CTNNA2: variants seen among roughly 807,000 people sequenced by gnomAD.
The protein encoded by CTNNA2 is catenin alpha 2.
A neutral mutation model predicts 101.0 loss-of-function variants in CTNNA2; 42 were observed. That is an observed-to-expected ratio of 0.42 (90% CI 0.32 to 0.54). The LOEUF is 0.54. Ranked by LOEUF, CTNNA2 falls within the 20% of genes least tolerant of loss-of-function variation. The pLI is 0.14. For missense variants in CTNNA2, 871 were observed against 1,223.1 expected (o/e 0.71, Z 4.29); for synonymous variants, 450 against 456.4 (o/e 0.99, Z 0.18).
At chr2:79,203,397 T>C (rs1674062371) in intron 2 of CTNNA2, among the ~76,000 whole-genome samples, 1 of 152,132 alleles carries the variant, frequency 6.6e-6, no homozygotes, top group African/African-American at 2.4e-5. Context: ...TCAAAGTAAA[T>C]GTCAAAAAGC....
intron 9 of CTNNA2, among the ~76,000 whole-genome samples, chr2:80,495,869 G>GAA (rs1687413909): frequency 6.9e-6 from 1 of 145,918 alleles, no homozygotes; most frequent in African/African-American, 2.5e-5. Context: ...GAGCCCGGGA[G>GAA]ACGGAGGTTT....
At chr2:79,375,798 C>T (rs74894803) in intron 4 of CTNNA2, among the ~76,000 whole-genome samples, 2,565 of 152,158 alleles carry the variant, frequency 0.017, 59 homozygotes, top group African/African-American at 0.049. Flanking sequence ...GGTGCAAAGC[C>T]TACAATTTCT....
Position 79,392,251 on chromosome 2 carries a change from T to C in CTNNA2, c.-135+18238T>C, listed in dbSNP as rs748748633. On this transcript the variant is annotated intron_variant, in intron 4 of 21. Coordinates refer to the CTNNA2 transcript ENST00000466387. ...AGTATGACTGAGATTTACTAAAATGTCCATTAACATCACAGATATCCTAGT... is the reference window on the plus strand; with the variant it reads ...AGTATGACTGAGATTTACTAAAATGCCCATTAACATCACAGATATCCTAGT... Among the ~76,000 whole-genome samples the C allele has an allele frequency of 2.8e-4, 43 of 152,310 alleles. 1 individual carries two copies. The highest frequency in any genetic ancestry group is 5.0e-4 in the Non-Finnish European group (34 of 68,030).
chr2:79,260,216 C>T (rs1173301918), intron 2 of CTNNA2, among the ~76,000 whole-genome samples: 1 of 152,100 alleles, frequency 6.6e-6, no homozygotes, highest in East Asian at 1.9e-4. Context: ...ACCCACCTTG[C>T]CTCATTACTA....
chr2:80,523,615 C>T (rs1052430964), intron 9 of CTNNA2, among the ~76,000 whole-genome samples: 4 of 152,142 alleles, frequency 2.6e-5, no homozygotes, highest in Admixed American at 6.5e-5. Context: ...GGCTCTACAG[C>T]GAGCTCGGCT....
intron 9 of CTNNA2, among the ~76,000 whole-genome samples, chr2:80,542,412 G>T (rs1439462639): frequency 6.6e-6 from 1 of 151,956 alleles, no homozygotes; most frequent in Non-Finnish European, 1.5e-5. Context: ...ATTGAAAATT[G>T]ATCCTAAATG....
At chr2:80,332,712 C>A (rs1172770784) in intron 7 of CTNNA2, among the ~76,000 whole-genome samples, 1 of 152,146 alleles carries the variant, frequency 6.6e-6, no homozygotes, top group Non-Finnish European at 1.5e-5. Flanking sequence ...AGATATCTTC[C>A]TTGTTCTTGA....
At chr2:79,622,520 C>A (rs1033433207) in intron 1 of CTNNA2, among the ~76,000 whole-genome samples, 1 of 152,236 alleles carries the variant, frequency 6.6e-6, no homozygotes, top group Non-Finnish European at 1.5e-5. Flanking sequence ...AGCAAAAAAA[C>A]CATCCAAATG....
intron 6 of CTNNA2, among the ~76,000 whole-genome samples, chr2:79,878,240 A>G (rs760198928): frequency 6.6e-6 from 1 of 152,200 alleles, no homozygotes; most frequent in Non-Finnish European, 1.5e-5. Context: ...GGTTGGTTCC[A>G]TAACTTTGCC....
Position 80,312,179 on chromosome 2 carries a change from C to T in CTNNA2, c.1057-81032C>T, listed in dbSNP as rs528479528. ...CTTTCTTCAGAAAGGGTGCTCATCG[C>T]AGATGGAACAATGGCCAGAGCACAC... On this transcript the variant is annotated intron_variant, in intron 7 of 18. Transcript: ENST00000402739. Among the ~76,000 whole-genome samples the T allele has an allele frequency of 2.6e-5, 4 of 152,356 alleles. No individual in the cohort carries two copies. The East Asian group carries it at 7.7e-4, about 29-fold the overall frequency.
intron 7 of CTNNA2, among the ~76,000 whole-genome samples, chr2:80,122,358 C>G (rs572361135): frequency 4.6e-5 from 7 of 151,152 alleles, no homozygotes; most frequent in Middle Eastern, 3.4e-3. Context: ...CTCTCTCCCC[C>G]CTTCCTTTTT....
At chr2:80,569,439 G>C (rs1037526087) in intron 12 of CTNNA2, among the ~76,000 whole-genome samples, 6 of 151,938 alleles carry the variant, frequency 3.9e-5, no homozygotes, top group African/African-American at 2.4e-5. Flanking sequence ...GGTGCCTACA[G>C]TTTTTGGATG....
intron 1 of CTNNA2, among the ~76,000 whole-genome samples, chr2:79,193,068 G>A (rs2104164178): frequency 6.6e-6 from 1 of 152,086 alleles, no homozygotes; most frequent in Admixed American, 6.6e-5. Context: ...GCAACATTTA[G>A]TACTGCTTTG....
At chr2:79,590,854 C>G (rs575207555) in intron 1 of CTNNA2, among the ~76,000 whole-genome samples, 1 of 152,242 alleles carries the variant, frequency 6.6e-6, no homozygotes, top group Admixed American at 6.5e-5. Flanking sequence ...TTACCAAAAC[C>G]TTTTAACATA....
chr2:79,328,484 T>C (rs930037472), intron 3 of CTNNA2, among the ~76,000 whole-genome samples: 2 of 152,200 alleles, frequency 1.3e-5, no homozygotes, highest in Admixed American at 6.5e-5. Context: ...TGCAGCTTAA[T>C]TTCCTCATTT....
chr2:79,477,524 G>T (rs1573184741), intron 4 of CTNNA2, among the ~76,000 whole-genome samples: 1 of 152,088 alleles, frequency 6.6e-6, no homozygotes, highest in Admixed American at 6.5e-5. Context: ...GATTTCTGGT[G>T]TTTGTGGTTG....
chr2:79,757,956 C>T (rs72824507), intron 3 of CTNNA2, among the ~76,000 whole-genome samples: 1 of 152,198 alleles, frequency 6.6e-6, no homozygotes, highest in African/African-American at 2.4e-5. Context: ...TTATTGCTAA[C>T]GTCATTGTTA....
chr2:79,229,109 C>G (rs554091919), intron 2 of CTNNA2, among the ~76,000 whole-genome samples: 1 of 152,240 alleles, frequency 6.6e-6, no homozygotes, highest in African/African-American at 2.4e-5. Flanking sequence ...TTCCATTGGT[C>G]TACGTGTCTG....
At chr2:79,984,724 C>A (rs673352) in intron 7 of CTNNA2, among the ~76,000 whole-genome samples, 78,815 of 151,772 alleles carry the variant, frequency 0.52, 21,478 homozygotes, top group Non-Finnish European at 0.63. Flanking sequence ...TCAGAAATGC[C>A]CAGCCCTGCC....
Sources: gnomAD v4.1 joint callset for allele counts (sites outside exome capture counted in the v4.1 genomes callset) on GRCh38, gnomAD v4.1.1 for gene constraint, MANE v1.5 for transcripts, NCBI Gene and HGNC (gene_info 2026-07-23, HGNC 2026-07-21) for gene names.